The following DNAJC22 variants were observed in gnomAD, a reference collection of about 807,000 sequenced individuals.
The protein encoded by DNAJC22 is dnaJ homolog subfamily C member 22.
A neutral mutation model predicts 22.2 loss-of-function variants in DNAJC22; 24 were observed. The observed-to-expected ratio is 1.08, with a 90% confidence interval of 0.78 to 1.52. DNAJC22 has a LOEUF of 1.52. Ranked by LOEUF, DNAJC22 falls within the 40% of genes most tolerant of loss-of-function variation. The pLI is 0.00. For missense variants in DNAJC22, 434 were observed against 421.7 expected, an observed-to-expected ratio of 1.03 and a Z score of -0.26; for synonymous variants, 160 against 167.4, an observed-to-expected ratio of 0.96 and a Z score of 0.34.
At position 49,347,037 on chromosome 12, in the gene DNAJC22, T is replaced by TG. The variant is rs566166204; in HGVS notation, c.-1079dup. 4 of 152,432 alleles carry TG rather than the reference T, an allele frequency of 2.6e-5. No individual in the cohort carries two copies. The East Asian group carries it at 7.7e-4, about 29-fold the overall frequency. 9.4% of individuals were successfully genotyped at this position (152,432 alleles called of 1,614,324 possible). On this transcript the variant is annotated 5_prime_UTR_variant, in exon 1 of 4. An upstream open reading frame in the 5' UTR gains an earlier in-frame stop. Transcript: ENST00000549441. ...CCCCGAAGCCCCCGCAAGTCCAGAC[T>TG]GGGGGACCTCGGAGATCCACGAGAT...
In DNAJC22 at chr12:49,351,388, G is replaced by T; in HGVS notation, c.912G>T (p.Trp304Cys). ...HRSYQELVKVWHPDHNLDQTE... is the reference protein window; with the variant it reads ...HRSYQELVKVCHPDHNLDQTE... ...GTTACCAGGAGCTAGTGAAGGTCTGGCACCCAGACCACAACCTGGACCAGA... is the reference window on the plus strand; with the variant it reads ...GTTACCAGGAGCTAGTGAAGGTCTGTCACCCAGACCACAACCTGGACCAGA... Residue 304 changes from tryptophan to cysteine, a missense_variant, in exon 4 of 4, where the codon TGG becomes TGT. Transcript: ENST00000549441. 6.2e-7 allele frequency: 1 copy of T among 1,613,532 alleles called. No homozygotes were observed. The highest frequency in any genetic ancestry group is 8.5e-7 in the Non-Finnish European group (1 of 1,179,738).
In DNAJC22 at chr12:49,351,986, T is replaced by C. The variant is rs1943791387; in HGVS notation, c.*484T>C. On this transcript the variant is annotated 3_prime_UTR_variant, in exon 4 of 4. Coordinates refer to ENST00000549441, the MANE Select transcript of DNAJC22 (RefSeq NM_001304944.2). ...AAAAGGTTGTGGTAGAAGGATGTGT[T>C]TATATTCTGAATTTCTGAATTCTTG... The C allele has an allele frequency of 6.6e-6, 1 of 152,140 alleles. No individual in the cohort carries two copies. Among genetic ancestry groups the C allele is most frequent in the African/African-American group, 2.4e-5 (1 of 41,426 alleles). The allele number at this position is 152,140 out of a possible 1,614,324, so 9.4% of individuals were successfully genotyped here. A position where few individuals can be genotyped will look rare whatever the true frequency, so the allele number is the denominator to read the frequency against.
rs1327331248 is a variant in DNAJC22, at chr12:49,349,582, T to G, written c.710T>G (p.Leu237Arg). The G allele has an allele frequency of 6.2e-7, 1 of 1,614,228 alleles. No homozygotes were observed. Among genetic ancestry groups the G allele is most frequent in the South Asian group, 1.1e-5 (1 of 91,082 alleles). ...GGCCGCCTCATGGAGTTTGTCCTCC[T>G]TCTGCCTTACCGGATCTGGAGGCTA... ...LLGRLMEFVL[L>R]LPYRIWRLLM... Residue 237 changes from leucine to arginine, a missense_variant, in exon 3 of 4, where the codon CTT becomes CGT. By Grantham distance (102) the Leu-to-Arg change is moderately radical (BLOSUM62 -2). Coordinates refer to ENST00000549441, the MANE Select transcript of DNAJC22 (RefSeq NM_001304944.2).
In DNAJC22 at chr12:49,349,541, C is replaced by T. The variant is rs1943750579; in HGVS notation, c.669C>T (p.Ser223=). The T allele has an allele frequency of 1.9e-6, 3 of 1,614,128 alleles. No individual in the cohort carries two copies. Among genetic ancestry groups the T allele is most frequent in the Admixed American group, 3.3e-5 (2 of 60,010 alleles). ...TTGGCTCCTTCTTGAATTGGTTCAG[C>T]TTCTTCCCCCTTCTTGGCCGCCTCA... ...ETFGSFLNWF[S]FFPLLGRLME... The change falls in exon 3 of 4, where the codon AGC becomes AGT. Residue 223 remains serine, a synonymous_variant. Transcript: ENST00000549441.
Position 49,351,664 on chromosome 12 carries a change from G to C in DNAJC22, c.*162G>C, listed in dbSNP as rs1269284002. ...TGTAATCCCAGCACTTTGGGAGGCCGAGGCGGGCAGATCACGAGGTCAGGA... is the reference window on the plus strand; with the variant it reads ...TGTAATCCCAGCACTTTGGGAGGCCCAGGCGGGCAGATCACGAGGTCAGGA... On this transcript the variant is annotated 3_prime_UTR_variant, in exon 4 of 4. Transcript: ENST00000549441. 3.3e-6 allele frequency: 2 copies of C among 608,730 alleles called. No individual in the cohort carries two copies. The highest frequency in any genetic ancestry group is 8.0e-5 in the Admixed American group (2 of 24,936). The allele number at this position is 608,730 out of a possible 1,614,324, so 37.7% of individuals were successfully genotyped here. A position where few individuals can be genotyped will look rare whatever the true frequency, so the allele number is the denominator to read the frequency against.
At chr12:49,348,227 A>G (rs1474988499) in intron 2 of DNAJC22, 122 bp downstream of exon 2, 2 of 152,180 alleles carry the variant, frequency 1.3e-5, no homozygotes, top group Non-Finnish European at 2.9e-5. Flanking sequence ...GCTGCTGTGG[A>G]GTGGCTTTCC....
rs1408458840 is a variant in DNAJC22, at chr12:49,353,131, G to T, written c.*1629G>T. On this transcript the variant is annotated 3_prime_UTR_variant, in exon 4 of 4. Transcript: ENST00000549441. ...CTTTGGGAAACCCTAGGGAACCAGC[G>T]GCTAGAGCATCTCAAGGGGGCCTTA... 1 of 152,092 alleles carries T rather than the reference G, an allele frequency of 6.6e-6. No individual in the cohort carries two copies. The highest frequency in any genetic ancestry group is 1.5e-5 in the Non-Finnish European group (1 of 68,026). 9.4% of individuals were successfully genotyped at this position (152,092 alleles called of 1,614,324 possible).
At position 49,352,494 on chromosome 12, in the gene DNAJC22, C is replaced by T. The variant is rs970279646; in HGVS notation, c.*992C>T. 1.3e-5 allele frequency: 2 copies of T among 152,096 alleles called. No individual in the cohort carries two copies. Among genetic ancestry groups the T allele is most frequent in the Non-Finnish European group, 2.9e-5 (2 of 68,030 alleles). The allele number at this position is 152,096 out of a possible 1,614,324, so 9.4% of individuals were successfully genotyped here. On this transcript the variant is annotated 3_prime_UTR_variant, in exon 4 of 4. Transcript: ENST00000549441. ...TTGAGCCACTGCACTGTACTCCAGC[C>T]TGGGCGGCAGAGCTAGATTCTGTCT...
In DNAJC22 at chr12:49,349,251, C is replaced by A; in HGVS notation, c.379C>A (p.Gln127Lys). The A allele has an allele frequency of 6.2e-7, 1 of 1,614,192 alleles. No individual in the cohort carries two copies. Among genetic ancestry groups the A allele is most frequent in the Admixed American group, 1.7e-5 (1 of 60,020 alleles). ...CTTGCTGGTGGCTGCTGTTGGCAAC[C>A]AGACCTCAGACTTTAAGAACACTCT... is the stretch of plus-strand genomic sequence containing the variant. The part of the protein sequence containing the change: ...GVLLVAAVGN[Q>K]TSDFKNTLGS... The change falls in exon 3 of 4, where the codon CAG becomes AAG. Residue 127 changes from glutamine (Q) to lysine (K), a missense_variant. Transcript: ENST00000549441.
chr12:49,351,416 G>A lies in DNAJC22; in HGVS notation c.940G>A (p.Glu314Lys), dbSNP rs762007161. Reference protein sequence around the residue: ...WHPDHNLDQTEEAQRHFLEIQ... With the variant: ...WHPDHNLDQTKEAQRHFLEIQ... ...CCCAGACCACAACCTGGACCAGACA[G>A]AGGAGGCACAGAGGCACTTCCTGGA... Residue 314 changes from glutamate (E) to lysine (K), a missense_variant, in exon 4 of 4, where the codon GAG (glutamate) becomes AAG (lysine). Physicochemically the swap from Glu to Lys is moderately conservative, Grantham distance 56. Coordinates refer to ENST00000549441, the MANE Select transcript of DNAJC22 (RefSeq NM_001304944.2). The A allele has an allele frequency of 4.3e-6, 7 of 1,610,460 alleles. No individual in the cohort carries two copies. In the South Asian group the frequency reaches 4.4e-5, roughly 10 times the overall value.
Position 49,349,250 on chromosome 12 carries a change from C to A in DNAJC22, c.378C>A (p.Asn126Lys), listed in dbSNP as rs764306151. 6.2e-7 allele frequency: 1 copy of A among 1,614,062 alleles called. No individual in the cohort carries two copies. The highest frequency in any genetic ancestry group is 8.5e-7 in the Non-Finnish European group (1 of 1,180,054). The part of the protein sequence containing the change: ...LGVLLVAAVG[N>K]QTSDFKNTLG... ...TCTTGCTGGTGGCTGCTGTTGGCAACCAGACCTCAGACTTTAAGAACACTC... is the reference window on the plus strand; with the variant it reads ...TCTTGCTGGTGGCTGCTGTTGGCAAACAGACCTCAGACTTTAAGAACACTC... Residue 126 changes from asparagine (N) to lysine (K), a missense_variant, in exon 3 of 4, where the codon AAC (asparagine) becomes AAA (lysine). Coordinates refer to ENST00000549441, the MANE Select transcript of DNAJC22 (RefSeq NM_001304944.2).
In DNAJC22 at chr12:49,351,980, A is replaced by T. The variant is rs1299592872; in HGVS notation, c.*478A>T. The T allele has an allele frequency of 6.6e-6, 1 of 152,108 alleles. No homozygotes were observed. 9.4% of individuals were successfully genotyped at this position (152,108 alleles called of 1,614,324 possible). On this transcript the variant is annotated 3_prime_UTR_variant, in exon 4 of 4. Transcript: ENST00000549441. ...GGTGAGAAAAGGTTGTGGTAGAAGGATGTGTTTATATTCTGAATTTCTGAA... is the reference window on the plus strand; with the variant it reads ...GGTGAGAAAAGGTTGTGGTAGAAGGTTGTGTTTATATTCTGAATTTCTGAA...
At chr12:49,348,676 A>T in intron 2 of DNAJC22, 90 bp from the exon 3 acceptor site, 1 of 611,232 alleles carries the variant, frequency 1.6e-6, no homozygotes, top group Non-Finnish European at 2.4e-6. Context: ...ACTCAGGCAG[A>T]TCTGTACTCA....
chr12:49,349,060 A>T lies in DNAJC22; in HGVS notation c.188A>T (p.Gln63Leu). 1 of 1,613,134 alleles carries T rather than the reference A, an allele frequency of 6.2e-7. No individual in the cohort carries two copies. Among genetic ancestry groups the T allele is most frequent in the South Asian group, 1.1e-5 (1 of 90,984 alleles). The change falls in exon 3 of 4, where the codon CAG becomes CTG. Residue 63 changes from glutamine (Q) to leucine (L), a missense_variant. By Grantham distance (113) the Gln-to-Leu change is moderately radical. Coordinates refer to ENST00000549441, the MANE Select transcript of DNAJC22 (RefSeq NM_001304944.2). ...TTTGTAGCTCAGGCCAACAGAGCCC[A>T]GGGACAGAGGCAGAGCCCCAGAGGG... ...PSFVAQANRAQGQRQSPRGVT... is the reference protein window; with the variant it reads ...PSFVAQANRALGQRQSPRGVT...
At chr12:49,351,195 C>T (rs907608508) in intron 3 of DNAJC22, 122 bp from the exon 4 acceptor site, 73 of 1,518,556 alleles carry the variant, frequency 4.8e-5, no homozygotes, top group Non-Finnish European at 5.9e-5. Context: ...TGGACCTTTC[C>T]CACGGGCAAG....
At chr12:49,349,793 G>C in intron 3 of DNAJC22, 81 bp downstream of exon 3, 1 of 1,580,808 alleles carries the variant, frequency 6.3e-7, no homozygotes, top group Non-Finnish European at 8.6e-7. Context: ...CTGTTGGCCA[G>C]GTGCTGGAAG....
At position 49,349,110 on chromosome 12, in the gene DNAJC22, C is replaced by G. The variant is rs746569369; in HGVS notation, c.238C>G (p.Arg80Gly). ...GGTGACACCCCCTCTGAGTCCCATT[C>G]GCTTTGCTGCCCAGGTGATAGTTGG... ...RGVTPPLSPI[R>G]FAAQVIVGIY... Residue 80 changes from arginine (R) to glycine (G), a missense_variant, in exon 3 of 4, where the codon CGC becomes GGC. Coordinates refer to ENST00000549441, the MANE Select transcript of DNAJC22 (RefSeq NM_001304944.2). 3.7e-6 allele frequency: 6 copies of G among 1,614,068 alleles called. No homozygotes were observed.
intron 3 of DNAJC22, among the ~76,000 whole-genome samples, chr12:49,350,145 C>T (rs1424160141): frequency 1.3e-5 from 2 of 151,692 alleles, no homozygotes; most frequent in Non-Finnish European, 2.9e-5. Context: ...GGCACAATCT[C>T]AGCTCACTGC....
chr12:49,351,242 G>T (rs1943780157), intron 3 of DNAJC22, 75 bp from the exon 4 acceptor site: 2 of 1,597,498 alleles, frequency 1.3e-6, no homozygotes, highest in Non-Finnish European at 8.5e-7. Context: ...GCCTGATTTA[G>T]CAAAGGTGCA....
Sources: gnomAD v4.1 joint callset for allele counts (sites outside exome capture counted in the v4.1 genomes callset) on GRCh38, gnomAD v4.1.1 for gene constraint, MANE v1.5 for transcripts, NCBI Gene and HGNC (gene_info 2026-07-23, HGNC 2026-07-21) for gene names.